The following C8orf34 variants were observed in gnomAD, a reference collection of about 807,000 sequenced individuals.
The protein encoded by C8orf34 is uncharacterized protein C8orf34.
Under a neutral mutation model 68.3 loss-of-function variants are expected in C8orf34, and 65 were observed. The observed-to-expected ratio is 0.95, with a 90% confidence interval of 0.78 to 1.17. The LOEUF is 1.17. Among genes scored for constraint, C8orf34 ranks in the 50% most tolerant of loss-of-function variants. The pLI, the probability that C8orf34 is intolerant of heterozygous loss-of-function variation, is 0.00. For missense variants in C8orf34, 664 were observed against 655.4 expected, an observed-to-expected ratio of 1.01 and a Z score of -0.14; for synonymous variants, 244 against 241.2, an observed-to-expected ratio of 1.01 and a Z score of -0.11.
At chr8:68,534,091 T>C in intron 7 of C8orf34, 1 of 983,924 alleles carries the variant, frequency 1.0e-6, no homozygotes. Context: ...TAAGTGTTTA[T>C]GGCAGTAAAA....
chr8:68,768,804 C>A (rs1823256314), intron 10 of C8orf34, among the ~76,000 whole-genome samples: 1 of 152,100 alleles, frequency 6.6e-6, no homozygotes, highest in Admixed American at 6.6e-5. Context: ...TTTGTGCCGG[C>A]AACTGCATGT....
At chr8:68,412,506 A>G (rs762133254) in intron 1 of C8orf34, among the ~76,000 whole-genome samples, 12 of 152,048 alleles carry the variant, frequency 7.9e-5, no homozygotes, top group African/African-American at 1.7e-4. Flanking sequence ...ACTTTTCTCT[A>G]CAGGCTCCTG....
At chr8:68,412,343 G>A (rs1371950750) in intron 1 of C8orf34, among the ~76,000 whole-genome samples, 1 of 152,050 alleles carries the variant, frequency 6.6e-6, no homozygotes, top group Non-Finnish European at 1.5e-5. Flanking sequence ...AGTAATAGTA[G>A]TATAGTTTTC....
intron 5 of C8orf34, among the ~76,000 whole-genome samples, chr8:68,509,107 T>C (rs759718111): frequency 6.6e-6 from 1 of 152,192 alleles, no homozygotes; most frequent in Non-Finnish European, 1.5e-5. Context: ...TACATCTAAC[T>C]GCTGTTAAAA....
At chr8:68,339,143 A>G (rs1805970115) in intron 1 of C8orf34, among the ~76,000 whole-genome samples, 1 of 152,046 alleles carries the variant, frequency 6.6e-6, no homozygotes, top group African/African-American at 2.4e-5. Context: ...TTTTCATATA[A>G]AAATACCTGC....
chr8:68,721,273 T>C lies in C8orf34; in HGVS notation c.1328-88T>C, dbSNP rs923936984. The C allele has an allele frequency of 8.5e-6, 7 of 827,418 alleles. No individual in the cohort carries two copies. In the South Asian group the frequency reaches 1.3e-4, roughly 15 times the overall value. 51.3% of individuals were successfully genotyped at this position (827,418 alleles called of 1,614,324 possible). A position where few individuals can be genotyped will look rare whatever the true frequency, so the allele number is the denominator to read the frequency against. On this transcript the variant is annotated intron_variant, in intron 9 of 13. Transcript: ENST00000518698. ...TTTTTTCAACACCCAATTCCATCAT[T>C]TTATTCTTCTCACAACAGGTTTATA...
At chr8:68,354,974 T>C (rs1806685789) in intron 1 of C8orf34, among the ~76,000 whole-genome samples, 3 of 151,728 alleles carry the variant, frequency 2.0e-5, no homozygotes, top group Admixed American at 2.0e-4. Flanking sequence ...TATGCTTTCA[T>C]CTTATTTGGA....
chr8:68,458,675 C>G (rs1022102439), intron 3 of C8orf34, among the ~76,000 whole-genome samples: 2 of 152,150 alleles, frequency 1.3e-5, no homozygotes, highest in Admixed American at 1.3e-4. Context: ...CTCTCTTAAA[C>G]CTAGGTTCCT....
At position 68,419,155 on chromosome 8, in the gene C8orf34, G is replaced by C. The variant is rs1298002716; in HGVS notation, c.328-20344G>C. 2.0e-5 allele frequency among the ~76,000 whole-genome samples: 3 copies of C among 151,874 alleles called. No homozygotes were observed. The South Asian group carries it at 6.3e-4, about 32-fold the overall frequency. ...TACAAGAAAAAAACAACCCCATCAA[G>C]AAGTGGGCGAAGGACATGAACAGAC... On this transcript the variant is annotated intron_variant, in intron 1 of 13. Coordinates refer to ENST00000518698, the MANE Select transcript of C8orf34 (RefSeq NM_052958.4).
In C8orf34 at chr8:68,448,561, A is replaced by G. The variant is rs183387548; in HGVS notation, c.607+2101A>G. On this transcript the variant is annotated intron_variant, in intron 3 of 13. Coordinates refer to ENST00000518698, the MANE Select transcript of C8orf34 (RefSeq NM_052958.4). ...AAATGCTCAAATTAAAAATTAGTAG[A>G]CACATTAGAATAGGATGTGAAAAAA... Among the ~76,000 whole-genome samples the G allele has an allele frequency of 1.2e-3, 179 of 152,250 alleles. 1 individual carries two copies. The highest frequency in any genetic ancestry group is 1.4e-3 in the Non-Finnish European group (95 of 67,994).
Position 68,640,463 on chromosome 8 carries a change from C to A in C8orf34, c.1193C>A (p.Ala398Asp). The A allele has an allele frequency of 6.2e-7, 1 of 1,613,910 alleles. No individual in the cohort carries two copies. Among genetic ancestry groups the A allele is most frequent in the Non-Finnish European group, 8.5e-7 (1 of 1,179,886 alleles). The change falls in exon 8 of 14, where the codon GCT becomes GAT. Residue 398 changes from alanine to aspartate, a missense_variant. Physicochemically the swap from Ala to Asp is moderately radical, Grantham distance 126. Coordinates refer to ENST00000518698, the MANE Select transcript of C8orf34 (RefSeq NM_052958.4). ...KFNQGRPTYP[A>D]EPQAKVTLNI... ...AACCAAGGCCGTCCTACTTACCCTG[C>A]TGAGCCTCAGGCCAAGGTCACACTG...
At chr8:68,750,489 G>A (rs1357092225) in intron 10 of C8orf34, among the ~76,000 whole-genome samples, 1 of 152,012 alleles carries the variant, frequency 6.6e-6, no homozygotes, top group African/African-American at 2.4e-5. Context: ...ATGGATTTGA[G>A]GTTTTCTTTT....
intron 10 of C8orf34, among the ~76,000 whole-genome samples, chr8:68,745,639 G>A (rs1468719019): frequency 6.6e-6 from 1 of 152,052 alleles, no homozygotes; most frequent in Non-Finnish European, 1.5e-5. Context: ...AGACAAAGAA[G>A]GCCATTACAT....
intron 1 of C8orf34, among the ~76,000 whole-genome samples, chr8:68,357,113 T>C (rs1806782926): frequency 6.6e-6 from 1 of 152,176 alleles, no homozygotes; most frequent in African/African-American, 2.4e-5. Context: ...TTTATTTTTT[T>C]CCTGTTATAT....
At chr8:68,625,595 A>G (rs1026215297) in intron 7 of C8orf34, 9 of 701,414 alleles carry the variant, frequency 1.3e-5, no homozygotes, top group Non-Finnish European at 1.8e-5. Flanking sequence ...TGGATTTACA[A>G]TGTGTCAGAC....
intron 1 of C8orf34, chr8:68,438,556 C>G (rs1810761041): frequency 6.6e-6 from 1 of 152,120 alleles, no homozygotes; most frequent in African/African-American, 2.4e-5. Context: ...CTGCCTCTCA[C>G]AGAATCCTAG....
chr8:68,791,410 A>G (rs1214362703), intron 12 of C8orf34: 1 of 154,202 alleles, frequency 6.5e-6, no homozygotes, highest in African/African-American at 2.4e-5. Context: ...ACAATTTGAC[A>G]TGAGATTTGG....
At chr8:68,729,369 G>A (rs1362851004) in intron 10 of C8orf34, among the ~76,000 whole-genome samples, 1 of 152,140 alleles carries the variant, frequency 6.6e-6, no homozygotes, top group Non-Finnish European at 1.5e-5. Context: ...AATGAACATT[G>A]CCTGCTAAGA....
intron 4 of C8orf34, among the ~76,000 whole-genome samples, chr8:68,478,239 CAGATCT>C (rs1812708095): frequency 6.6e-6 from 1 of 151,870 alleles, no homozygotes; most frequent in Non-Finnish European, 1.5e-5. Context: ...CAAAGATCCA[CAGATCT>C]GCCCTAGAGA....
Sources: gnomAD v4.1 joint callset for allele counts (sites outside exome capture counted in the v4.1 genomes callset) on GRCh38, gnomAD v4.1.1 for gene constraint, MANE v1.5 for transcripts, NCBI Gene and HGNC (gene_info 2026-07-23, HGNC 2026-07-21) for gene names.